Variants in SSX7 observed in about 807,000 individuals in gnomAD.
SSX7 encodes the protein protein SSX7.
In SSX7, 15 loss-of-function variants were observed where a neutral mutation model predicts 14.7. That is an observed-to-expected ratio of 1.02 (90% CI 0.68 to 1.58). SSX7 has a LOEUF of 1.58. Ranked by LOEUF, SSX7 falls within the 40% of genes most tolerant of loss-of-function variation. The probability of loss-of-function intolerance (pLI) is 0.00; values close to 1 mark genes in which losing one functional copy is unlikely to be tolerated. For missense variants in SSX7, 178 were observed against 146.8 expected (o/e 1.21, Z -1.10); for synonymous variants, 46 against 50.6 (o/e 0.91, Z 0.38).
intron 1 of SSX7, among the ~76,000 whole-genome samples, chrX:52,654,127 C>T (rs1282460773): frequency 2.0e-4 from 22 of 110,773 alleles, no homozygotes; most frequent in African/African-American, 6.6e-4. Flanking sequence ...ATCAGCCAGG[C>T]GCAGTGGCTC....
At chrX:52,654,353 G>A (rs1481923507) in intron 1 of SSX7, among the ~76,000 whole-genome samples, 1 of 89,049 alleles carries the variant, frequency 1.1e-5, no homozygotes, top group African/African-American at 4.1e-5. Context: ...CAGGAGGAAA[G>A]ATTTGAGTGA....
chrX:52,653,413 C>A lies in SSX7; in HGVS notation c.60G>T (p.Lys20Asn). The change falls in exon 2 of 8, where the codon AAG (lysine) becomes AAT (asparagine). Residue 20 changes from lysine to asparagine, a missense_variant. Physicochemically the swap from Lys to Asn is moderately conservative, Grantham distance 94. Coordinates refer to ENST00000298181, the MANE Select transcript of SSX7 (RefSeq NM_173358.2). Reference sequence around the variant, plus strand: ...CTCCAGGTCACCTCACCTTTTGGATCTTCTCTGGTATTTGAGCACCAGCCC... The same window carrying A: ...CTCCAGGTCACCTCACCTTTTGGATATTCTCTGGTATTTGAGCACCAGCCC... ...RPRAGAQIPE[K>N]IQKSFDDIAK... The A allele has an allele frequency of 8.3e-7, 1 of 1,211,508 alleles. No individual in the cohort carries two copies. Among genetic ancestry groups the A allele is most frequent in the South Asian group, 1.8e-5 (1 of 56,932 alleles).
chrX:52,649,740 T>G (rs1601975374), intron 5 of SSX7, among the ~76,000 whole-genome samples: 1 of 112,289 alleles, frequency 8.9e-6, no homozygotes, highest in East Asian at 2.8e-4. Flanking sequence ...ATTGCGAGAA[T>G]GGGTGTCTCA....
chrX:52,647,975 C>T (rs1556766534), intron 6 of SSX7, among the ~76,000 whole-genome samples: 2 of 112,078 alleles, frequency 1.8e-5, no homozygotes, highest in Non-Finnish European at 3.8e-5. Flanking sequence ...AATTTAATGT[C>T]TCCAAACAAT....
Position 52,653,497 on chromosome X carries a change from A to G in SSX7, c.-20-5T>C. 1.4e-5 allele frequency: 17 copies of G among 1,211,220 alleles called. No homozygotes were observed. The highest frequency in any genetic ancestry group is 1.9e-5 in the Non-Finnish European group (17 of 895,092). ...TGGCACCAGGAGCAGTCTGACCTGC[A>G]AGAGAAATAGCCTGAGTCTTTCCAG... On this transcript the variant is annotated splice_polypyrimidine_tract_variant and splice_region_variant and intron_variant, in intron 1 of 7. Transcript: ENST00000298181.
intron 5 of SSX7, among the ~76,000 whole-genome samples, chrX:52,649,179 C>T (rs1232874349): frequency 5.4e-5 from 6 of 111,130 alleles, no homozygotes; most frequent in Admixed American, 2.9e-4. Context: ...TGCAGGCAGG[C>T]GCTACCACGC....
chrX:52,648,483 C>A, intron 5 of SSX7, 87 bp from the exon 6 acceptor site: 1 of 1,141,852 alleles, frequency 8.8e-7, no homozygotes, highest in South Asian at 2.0e-5. Context: ...ACATGCATTA[C>A]CTTAATCAAT....
At chrX:52,653,027 G>C (rs1556767246) in intron 2 of SSX7, 43 bp from the exon 3 acceptor site, 6 of 1,187,543 alleles carry the variant, frequency 5.1e-6, no homozygotes, top group Middle Eastern at 2.4e-4. Context: ...GACTCAGCTA[G>C]ACATGTCTGC....
At chrX:52,652,469 C>G (rs1488475517) in intron 3 of SSX7, 122 bp from the exon 4 acceptor site, 2 of 539,151 alleles carry the variant, frequency 3.7e-6, no homozygotes, top group Admixed American at 5.5e-5. Flanking sequence ...GCCAGGAGTT[C>G]AAGGCTGCAG....
intron 6 of SSX7, among the ~76,000 whole-genome samples, chrX:52,646,972 C>T (rs1556766405): frequency 1.8e-5 from 2 of 111,910 alleles, no homozygotes; most frequent in Non-Finnish European, 3.8e-5. Context: ...AAGGGAAAGT[C>T]CTTGAAGGAA....
At chrX:52,653,912 A>G (rs1372513135) in intron 1 of SSX7, among the ~76,000 whole-genome samples, 1 of 111,421 alleles carries the variant, frequency 9.0e-6, no homozygotes, top group Non-Finnish European at 1.9e-5. Context: ...CAGAGATAAC[A>G]TCGTCTCTCT....
At chrX:52,645,110 A>G (rs1300833553) in intron 7 of SSX7, among the ~76,000 whole-genome samples, 1 of 110,827 alleles carries the variant, frequency 9.0e-6, no homozygotes, top group Non-Finnish European at 1.9e-5. Flanking sequence ...TCTACCAAAA[A>G]TACAAAAAAA....
intron 7 of SSX7, among the ~76,000 whole-genome samples, chrX:52,644,950 C>T (rs1925187191): frequency 9.0e-6 from 1 of 111,138 alleles, no homozygotes; most frequent in Non-Finnish European, 1.9e-5. Flanking sequence ...GGGAGCATTC[C>T]TGGATATACA....
chrX:52,652,536 C>CA (rs201879792), intron 3 of SSX7, among the ~76,000 whole-genome samples, 189 bp from the exon 4 acceptor site: 298 of 102,003 alleles, frequency 2.9e-3, no homozygotes, highest in African/African-American at 0.01. Flanking sequence ...GACTCAGACT[C>CA]AAAAAAAAAG....
At chrX:52,646,351 C>T (rs1316765029) in intron 6 of SSX7, among the ~76,000 whole-genome samples, 5 of 112,694 alleles carry the variant, frequency 4.4e-5, no homozygotes, top group Non-Finnish European at 7.5e-5. Flanking sequence ...GCGTGAGCCA[C>T]GGCGCCCGTC....
At chrX:52,651,853 C>T (rs1925442051) in intron 4 of SSX7, among the ~76,000 whole-genome samples, 1 of 110,557 alleles carries the variant, frequency 9.0e-6, no homozygotes, top group African/African-American at 3.3e-5. Context: ...CTACCCTGGC[C>T]GAGAAGAGTG....
Position 52,644,650 on chromosome X carries a change from G to C in SSX7, c.*25C>G, listed in dbSNP as rs185852650. ...CACCACGTTCTGCTTCTCATCATGG[G>C]CATATGTCGTATCCCCGAGGCTGAG... On this transcript the variant is annotated 3_prime_UTR_variant, in exon 8 of 8. Coordinates refer to ENST00000298181, the MANE Select transcript of SSX7 (RefSeq NM_173358.2). The C allele has an allele frequency of 6.9e-5, 82 of 1,194,313 alleles. 1 individual carries two copies. In the South Asian group the frequency reaches 1.4e-3, roughly 20 times the overall value.
At chrX:52,644,712 C>G in intron 7 of SSX7, 42 bp from the exon 8 acceptor site, 1 of 1,173,933 alleles carries the variant, frequency 8.5e-7, no homozygotes, top group Non-Finnish European at 1.1e-6. Context: ...GCAGTGAGTT[C>G]CCACCACGTG....
At chrX:52,651,912 C>G in intron 4 of SSX7, among the ~76,000 whole-genome samples, 1 of 111,072 alleles carries the variant, frequency 9.0e-6, no homozygotes. Context: ...ATCAACAAGT[C>G]ACAGCTGAAG....
Sources: allele counts gnomAD v4.1 joint callset (sites outside exome capture counted in the v4.1 genomes callset), GRCh38; gene constraint gnomAD v4.1.1; transcripts MANE v1.5; gene names NCBI Gene and HGNC (gene_info 2026-07-23, HGNC 2026-07-21).